The following PRRX1 variants were observed in gnomAD, a reference collection of about 807,000 sequenced individuals.
PRRX1 encodes the protein paired related homeobox 1.
A neutral mutation model predicts 24.0 loss-of-function variants in PRRX1; 8 were observed. The observed-to-expected ratio is 0.33, with a 90% CI of 0.20 to 0.60. The LOEUF (loss-of-function observed/expected upper bound fraction) is 0.60. Among genes scored for constraint, PRRX1 ranks in the 20% least tolerant of loss-of-function variants. The pLI is 0.82. For missense variants in PRRX1, 281 were observed against 322.4 expected, an observed-to-expected ratio of 0.87 and a Z score of 0.98; for synonymous variants, 160 against 131.7, an observed-to-expected ratio of 1.22 and a Z score of -1.47.
At chr1:170,672,708 A>C (rs1653181093) in intron 1 of PRRX1, among the ~76,000 whole-genome samples, 1 of 152,246 alleles carries the variant, frequency 6.6e-6, no homozygotes, top group Non-Finnish European at 1.5e-5. Context: ...ATCAGCTTGA[A>C]TATGGGCAAA....
At chr1:170,727,211 A>AGTACTATTTC (rs1255724992) in intron 3 of PRRX1, 1 of 152,216 alleles carries the variant, frequency 6.6e-6, no homozygotes, top group African/African-American at 2.4e-5. Flanking sequence ...CAAATATCAG[A>AGTACTATTTC]GTACTATTTC....
chr1:170,694,313 G>A (rs1219916229), intron 1 of PRRX1, among the ~76,000 whole-genome samples: 1 of 152,070 alleles, frequency 6.6e-6, no homozygotes, highest in African/African-American at 2.4e-5. Flanking sequence ...AACCTATTCT[G>A]GGAGCCGAAA....
chr1:170,706,550 T>C (rs1216056899), intron 1 of PRRX1, among the ~76,000 whole-genome samples: 1 of 152,222 alleles, frequency 6.6e-6, no homozygotes, highest in Admixed American at 6.5e-5. Context: ...TCTGATCCAC[T>C]GACGTTCCCC....
chr1:170,724,665 C>A, intron 2 of PRRX1, among the ~76,000 whole-genome samples: 1 of 152,198 alleles, frequency 6.6e-6, no homozygotes, highest in East Asian at 1.9e-4. Flanking sequence ...ACTAATACCA[C>A]GCTGTTTTGG....
intron 1 of PRRX1, among the ~76,000 whole-genome samples, chr1:170,682,884 G>C (rs376149439): frequency 2.0e-5 from 3 of 152,348 alleles, no homozygotes; most frequent in South Asian, 2.1e-4. Flanking sequence ...ACTATGTAGA[G>C]AGCAGGGTGA....
rs182911768 is a variant in PRRX1, at chr1:170,689,089, C to T, written c.241+24630C>T. 8.7e-4 allele frequency among the ~76,000 whole-genome samples: 133 copies of T among 152,236 alleles called. 1 individual carries two copies. The highest frequency in any genetic ancestry group is 3.0e-3 in the African/African-American group (125 of 41,562). ...GTTGTATTTAATCTATCAGAATATG[C>T]TCTTTTCTAATCCATTGGTTCCCCA... On this transcript the variant is annotated intron_variant, in intron 1 of 3. Coordinates refer to ENST00000239461, the MANE Select transcript of PRRX1 (RefSeq NM_022716.4).
chr1:170,681,131 G>C (rs574625916), intron 1 of PRRX1, among the ~76,000 whole-genome samples: 241 of 152,306 alleles, frequency 1.6e-3, no homozygotes, highest in South Asian at 0.011. Flanking sequence ...TAATGGATCA[G>C]GTACTGTGCT....
intron 1 of PRRX1, among the ~76,000 whole-genome samples, chr1:170,699,020 A>G (rs1313810905): frequency 2.6e-5 from 4 of 152,228 alleles, no homozygotes; most frequent in African/African-American, 9.6e-5. Flanking sequence ...TGAAGTCTGC[A>G]CTTTTGCAGC....
intron 1 of PRRX1, among the ~76,000 whole-genome samples, 168 bp from the exon 2 acceptor site, chr1:170,719,558 G>A (rs1363875226): frequency 1.3e-5 from 2 of 152,240 alleles, no homozygotes; most frequent in Non-Finnish European, 2.9e-5. Context: ...ATGAACTTGA[G>A]AGCGCTAATG....
At chr1:170,682,834 C>G (rs1201074879) in intron 1 of PRRX1, among the ~76,000 whole-genome samples, 2 of 152,128 alleles carry the variant, frequency 1.3e-5, no homozygotes, top group African/African-American at 2.4e-5. Flanking sequence ...AATGAAACAG[C>G]CTATTTGAGC....
chr1:170,735,135 C>T (rs1208837478), intron 3 of PRRX1, among the ~76,000 whole-genome samples: 3 of 152,160 alleles, frequency 2.0e-5, no homozygotes, highest in African/African-American at 7.2e-5. Flanking sequence ...GCTATTAAGT[C>T]TATGAAACCA....
Position 170,664,332 on chromosome 1 carries a change from C to T in PRRX1, c.114C>T (p.His38=), listed in dbSNP as rs1190350731. The change falls in exon 1 of 4, where the codon CAC becomes CAT. Residue 38 remains histidine, a synonymous_variant. Coordinates refer to ENST00000239461, the MANE Select transcript of PRRX1 (RefSeq NM_022716.4). ...LQAKKNFSVS[H]LLDLEEAGDM... ...CGAAAAAGAACTTCTCCGTCAGTCA[C>T]CTGCTAGACCTGGAGGAAGCCGGGG... is the stretch of plus-strand genomic sequence containing the variant. 5 of 1,613,908 alleles carry T rather than the reference C, an allele frequency of 3.1e-6. No individual in the cohort carries two copies. The highest frequency in any genetic ancestry group is 2.7e-5 in the African/African-American group (2 of 74,936).
At chr1:170,697,534 A>T (rs542589861) in intron 1 of PRRX1, among the ~76,000 whole-genome samples, 52 of 151,806 alleles carry the variant, frequency 3.4e-4, no homozygotes, top group Admixed American at 5.9e-4. Flanking sequence ...TTTTTCTTCT[A>T]ATCTTTGCAT....
chr1:170,687,803 T>C (rs939311690), intron 1 of PRRX1, among the ~76,000 whole-genome samples: 1 of 152,184 alleles, frequency 6.6e-6, no homozygotes. Flanking sequence ...TGTAAACATC[T>C]GGAAACAATT....
chr1:170,672,751 C>G (rs1352003922), intron 1 of PRRX1, among the ~76,000 whole-genome samples: 1 of 152,194 alleles, frequency 6.6e-6, no homozygotes, highest in East Asian at 1.9e-4. Flanking sequence ...CAGATATATA[C>G]AGAGAACCAC....
At position 170,719,834 on chromosome 1, in the gene PRRX1, A is replaced by G; in HGVS notation, c.350A>G (p.His117Arg). The change falls in exon 2 of 4, where the codon CAC (histidine) becomes CGC (arginine). Residue 117 changes from histidine to arginine, a missense_variant. Physicochemically the swap from His to Arg is conservative, Grantham distance 29 (BLOSUM62 0). Transcript: ENST00000239461. ...QALERVFERT[H>R]YPDAFVREDL... ...TTGGAGCGTGTCTTTGAGCGGACAC[A>G]CTATCCTGATGCTTTTGTGCGAGAA... is the stretch of plus-strand genomic sequence containing the variant. 1 of 1,614,182 alleles carries G rather than the reference A, an allele frequency of 6.2e-7. No individual in the cohort carries two copies. Among genetic ancestry groups the G allele is most frequent in the South Asian group, 1.1e-5 (1 of 91,078 alleles).
At chr1:170,666,987 G>T (rs565710806) in intron 1 of PRRX1, among the ~76,000 whole-genome samples, 30 of 152,204 alleles carry the variant, frequency 2.0e-4, no homozygotes, top group East Asian at 5.8e-4. Flanking sequence ...TGTGGAGCAC[G>T]TGGAGTCCTC....
chr1:170,670,718 T>G (rs1187173688), intron 1 of PRRX1, among the ~76,000 whole-genome samples: 1 of 152,190 alleles, frequency 6.6e-6, no homozygotes, highest in East Asian at 1.9e-4. Context: ...AAGATGATTT[T>G]AGGGCCATGT....
chr1:170,664,152 G>T lies in PRRX1; in HGVS notation c.-67G>T. The stretch of plus-strand genomic sequence containing the variant: ...CCCCACTCGGCTCCTCTCCCCCCTC[G>T]CGCCCACAGCGTTTGGTGTTGATTC... On this transcript the variant is annotated 5_prime_UTR_variant, in exon 1 of 4. Coordinates refer to ENST00000239461, the MANE Select transcript of PRRX1 (RefSeq NM_022716.4). 2 of 1,459,940 alleles carry T rather than the reference G, an allele frequency of 1.4e-6. No individual in the cohort carries two copies. Among genetic ancestry groups the T allele is most frequent in the Admixed American group, 4.2e-5 (2 of 47,328 alleles). 90.4% of individuals were successfully genotyped at this position (1,459,940 alleles called of 1,614,324 possible).
Sources: allele counts gnomAD v4.1 joint callset (sites outside exome capture counted in the v4.1 genomes callset), GRCh38; gene constraint gnomAD v4.1.1; transcripts MANE v1.5; gene names NCBI Gene and HGNC (gene_info 2026-07-23, HGNC 2026-07-21).